Variants in CLSTN2 observed in about 807,000 individuals in gnomAD.
CLSTN2 encodes calsyntenin 2, also known as calsyntenin-2.
In CLSTN2, 48 loss-of-function variants were observed where a neutral mutation model predicts 101.2. The observed-to-expected ratio is 0.47, with a 90% CI of 0.38 to 0.60. The LOEUF is 0.60. Ranked by LOEUF, CLSTN2 falls within the 20% of genes least tolerant of loss-of-function variation. The probability of loss-of-function intolerance (pLI) is 0.00; values close to 1 mark genes in which losing one functional copy is unlikely to be tolerated. For synonymous variants in CLSTN2, 481 were observed against 463.6 expected (o/e 1.04, Z -0.48); for missense variants, 1,160 against 1,238.2 (o/e 0.94, Z 0.95).
chr3:140,046,459 C>G (rs1417515748), intron 1 of CLSTN2, among the ~76,000 whole-genome samples: 1 of 152,142 alleles, frequency 6.6e-6, no homozygotes, highest in Non-Finnish European at 1.5e-5. Context: ...GGTCTTGACT[C>G]TTTATCCAAT....
At chr3:140,316,342 A>G (rs2087231015) in intron 2 of CLSTN2, among the ~76,000 whole-genome samples, 1 of 152,194 alleles carries the variant, frequency 6.6e-6, no homozygotes, top group African/African-American at 2.4e-5. Context: ...CAGCTGTTTG[A>G]GCTTAGGTGA....
chr3:140,026,918 G>T (rs79309568), intron 1 of CLSTN2, among the ~76,000 whole-genome samples: 9,417 of 152,310 alleles, frequency 0.062, 388 homozygotes, highest in East Asian at 0.16. Context: ...GTGGGAGAGT[G>T]ACTGCAGGAG....
intron 2 of CLSTN2, among the ~76,000 whole-genome samples, chr3:140,372,441 G>A (rs1224616184): frequency 6.6e-6 from 1 of 152,202 alleles, no homozygotes; most frequent in African/African-American, 2.4e-5. Flanking sequence ...CCTGAATGCA[G>A]ATGATGACTT....
chr3:140,481,619 T>G (rs1934119347), intron 8 of CLSTN2, among the ~76,000 whole-genome samples: 1 of 152,222 alleles, frequency 6.6e-6, no homozygotes, highest in Middle Eastern at 3.2e-3. Context: ...CCTCTTTTAT[T>G]TCTTTGAGCT....
chr3:140,459,356 G>A (rs1359233226), intron 6 of CLSTN2, among the ~76,000 whole-genome samples, 165 bp from the exon 7 acceptor site: 1 of 152,128 alleles, frequency 6.6e-6, no homozygotes, highest in Non-Finnish European at 1.5e-5. Context: ...TAACTCAGGG[G>A]CTGGAACAGC....
chr3:140,231,011 C>T lies in CLSTN2; in HGVS notation c.232+54938C>T, dbSNP rs546227386. On this transcript the variant is annotated intron_variant, in intron 2 of 16. Transcript: ENST00000458420. ...AAAGGTCTCAAACTTGGTTTTTAAGCAAGAAAATAATTATCTGATTATAAG... is the reference window on the plus strand; with the variant it reads ...AAAGGTCTCAAACTTGGTTTTTAAGTAAGAAAATAATTATCTGATTATAAG... Among the ~76,000 whole-genome samples the T allele has an allele frequency of 2.0e-5, 3 of 152,266 alleles. No individual in the cohort carries two copies. The South Asian group carries it at 6.2e-4, about 32-fold the overall frequency.
In CLSTN2 at chr3:140,175,938, C is replaced by A; in HGVS notation, c.110-13C>A. On this transcript the variant is annotated splice_polypyrimidine_tract_variant and intron_variant, in intron 1 of 16. Coordinates refer to ENST00000458420, the MANE Select transcript of CLSTN2 (RefSeq NM_022131.3). ...ATAATGATCCTTTTTGTTTTTTCCCCCTTATTTTCTAGTCAATAAGCACAA... is the reference window on the plus strand; with the variant it reads ...ATAATGATCCTTTTTGTTTTTTCCCACTTATTTTCTAGTCAATAAGCACAA... The A allele has an allele frequency of 1.3e-6, 2 of 1,598,662 alleles. No homozygotes were observed. The highest frequency in any genetic ancestry group is 2.2e-5 in the East Asian group (1 of 44,638).
chr3:139,964,118 G>C (rs1935554820), intron 1 of CLSTN2, among the ~76,000 whole-genome samples: 2 of 152,124 alleles, frequency 1.3e-5, no homozygotes, highest in Admixed American at 6.5e-5. Context: ...TGAATAGATT[G>C]CTTCCTAAAA....
rs2009099636 is a variant in CLSTN2 at position 140,108,498 on chromosome 3, C to T, written c.110-67453C>T. Among the ~76,000 whole-genome samples, 5 of 152,276 alleles carry T rather than the reference C, an allele frequency of 3.3e-5. No individual in the cohort carries two copies. The South Asian group carries it at 1.0e-3, about 32-fold the overall frequency. On this transcript the variant is annotated intron_variant, in intron 1 of 16. Transcript: ENST00000458420. Reference sequence around the variant, plus strand: ...TCCAGGCATGTTCCTTACCTGTAAACCTGCTACTTTACCTGCAGCTAGAAG... The same window carrying T: ...TCCAGGCATGTTCCTTACCTGTAAATCTGCTACTTTACCTGCAGCTAGAAG...
chr3:139,991,667 T>C lies in CLSTN2; in HGVS notation c.109+56184T>C, dbSNP rs369425490. 4.6e-4 allele frequency among the ~76,000 whole-genome samples: 70 copies of C among 152,380 alleles called. No individual in the cohort carries two copies. In the East Asian group the frequency reaches 9.1e-3, roughly 20 times the overall value. Reference sequence around the variant, plus strand: ...ATGCTCTGTTAGATCCCTCGGGATATGGTGATATTTATATTAGCCAAGGTT... The same window carrying C: ...ATGCTCTGTTAGATCCCTCGGGATACGGTGATATTTATATTAGCCAAGGTT... On this transcript the variant is annotated intron_variant, in intron 1 of 16. Coordinates refer to ENST00000458420, the MANE Select transcript of CLSTN2 (RefSeq NM_022131.3).
At chr3:140,307,659 T>G (rs1016850982) in intron 2 of CLSTN2, among the ~76,000 whole-genome samples, 2 of 152,182 alleles carry the variant, frequency 1.3e-5, no homozygotes, top group Non-Finnish European at 2.9e-5. Flanking sequence ...ATTGACTGAA[T>G]TTTTCAGTTG....
intron 1 of CLSTN2, among the ~76,000 whole-genome samples, chr3:140,088,115 C>A (rs1222907326): frequency 2.6e-5 from 4 of 152,204 alleles, no homozygotes; most frequent in Non-Finnish European, 5.9e-5. Flanking sequence ...TATTTTGTGG[C>A]CCATTATTCG....
At chr3:140,206,658 CA>C (rs143815148) in intron 2 of CLSTN2, among the ~76,000 whole-genome samples, 2,629 of 152,262 alleles carry the variant, frequency 0.017, 84 homozygotes, top group African/African-American at 0.06. Context: ...AATGTGCTGC[CA>C]AATGGATTTG....
At chr3:140,376,979 AG>A (rs2087924636) in intron 2 of CLSTN2, among the ~76,000 whole-genome samples, 1 of 151,414 alleles carries the variant, frequency 6.6e-6, no homozygotes, top group African/African-American at 2.4e-5. Context: ...AATTGGCCAG[AG>A]ATTAGAGGAT....
intron 1 of CLSTN2, among the ~76,000 whole-genome samples, chr3:140,146,779 T>C (rs572069024): frequency 1.5e-4 from 23 of 152,312 alleles, no homozygotes; most frequent in African/African-American, 5.3e-4. Flanking sequence ...CCAGAGACTT[T>C]AGTCACCATG....
chr3:140,369,407 G>A (rs2087826434), intron 2 of CLSTN2, among the ~76,000 whole-genome samples: 1 of 152,182 alleles, frequency 6.6e-6, no homozygotes, highest in Non-Finnish European at 1.5e-5. Flanking sequence ...GCCAGCCAGA[G>A]AGCTTTCCTG....
Position 140,210,844 on chromosome 3 carries a change from C to G in CLSTN2, c.232+34771C>G, listed in dbSNP as rs141961993. On this transcript the variant is annotated intron_variant, in intron 2 of 16. Transcript: ENST00000458420. The stretch of plus-strand genomic sequence containing the variant: ...TGAGGTGGGATTTGGATCAGGAAGA[C>G]GGTAGTAACAAGCACCTAAATAGCT... Among the ~76,000 whole-genome samples, 735 of 152,098 alleles carry G rather than the reference C, an allele frequency of 4.8e-3. 4 individuals carry two copies. The highest frequency in any genetic ancestry group is 0.016 in the African/African-American group (683 of 41,482).
chr3:140,535,770 G>T (rs1935347334), intron 9 of CLSTN2, among the ~76,000 whole-genome samples: 1 of 152,158 alleles, frequency 6.6e-6, no homozygotes, highest in African/African-American at 2.4e-5. Context: ...GAGATGAAGG[G>T]GTTTACCCAA....
chr3:140,545,220 G>A (rs1237077621), intron 9 of CLSTN2, among the ~76,000 whole-genome samples: 1 of 152,164 alleles, frequency 6.6e-6, no homozygotes, highest in South Asian at 2.1e-4. Flanking sequence ...TAGCAGAGAA[G>A]TTGCAGGGGT....
Sources: gnomAD v4.1 joint callset for allele counts (sites outside exome capture counted in the v4.1 genomes callset) on GRCh38, gnomAD v4.1.1 for gene constraint, MANE v1.5 for transcripts, NCBI Gene and HGNC (gene_info 2026-07-23, HGNC 2026-07-21) for gene names.